The following OXCT1 variants were observed in gnomAD, a reference collection of about 807,000 sequenced individuals.
OXCT1 encodes the protein 3-oxoacid CoA-transferase 1.
Under a neutral mutation model 69.6 loss-of-function variants are expected in OXCT1, and 27 were observed. That is an observed-to-expected ratio of 0.39 (90% CI 0.29 to 0.54). The LOEUF (loss-of-function observed/expected upper bound fraction) is 0.54, where lower values mean the gene tolerates loss of function less well. OXCT1 is among the 20% of genes least tolerant of loss of function. The pLI is 0.72. For missense variants in OXCT1, 437 were observed against 650.2 expected, an observed-to-expected ratio of 0.67 and a Z score of 3.57; for synonymous variants, 202 against 217.8, an observed-to-expected ratio of 0.93 and a Z score of 0.64.
intron 14 of OXCT1, among the ~76,000 whole-genome samples, chr5:41,753,187 T>C (rs904737928): frequency 6.6e-5 from 10 of 152,098 alleles, no homozygotes; most frequent in African/African-American, 2.4e-4. Context: ...TACATTCACC[T>C]GAAATCTTTA....
intron 9 of OXCT1, 32 bp downstream of exon 9, chr5:41,805,535 T>C (rs1746633133): frequency 7.0e-7 from 1 of 1,428,978 alleles, no homozygotes; most frequent in Non-Finnish European, 9.9e-7. Context: ...AAAGGCTATG[T>C]CTTTGCCCGG....
intron 15 of OXCT1, among the ~76,000 whole-genome samples, chr5:41,747,233 G>C (rs568405770): frequency 9.9e-5 from 15 of 152,108 alleles, no homozygotes; most frequent in African/African-American, 3.6e-4. Flanking sequence ...ATCCAGCCAT[G>C]CCCTTGCTCC....
At chr5:41,797,223 T>C (rs1451069114) in intron 11 of OXCT1, among the ~76,000 whole-genome samples, 1 of 152,206 alleles carries the variant, frequency 6.6e-6, no homozygotes, top group African/African-American at 2.4e-5. Flanking sequence ...TACCATGTTA[T>C]AGGAAACTGA....
At chr5:41,737,452 A>AC (rs1033759008) in intron 16 of OXCT1, among the ~76,000 whole-genome samples, 6 of 152,124 alleles carry the variant, frequency 3.9e-5, no homozygotes, top group African/African-American at 9.6e-5. Context: ...GCAAAAAAAA[A>AC]CTGAACATTC....
intron 11 of OXCT1, 39 bp from the exon 12 acceptor site, chr5:41,794,788 A>G (rs767657745): frequency 6.3e-7 from 1 of 1,594,804 alleles, no homozygotes; most frequent in East Asian, 2.2e-5. Context: ...AAAGGCTATT[A>G]GATTTCTAAG....
intron 14 of OXCT1, among the ~76,000 whole-genome samples, chr5:41,752,771 A>G (rs534438509): frequency 2.0e-5 from 3 of 151,984 alleles, no homozygotes; most frequent in Non-Finnish European, 4.4e-5. Flanking sequence ...ACAAACAAAA[A>G]AAACTGACTA....
intron 13 of OXCT1, among the ~76,000 whole-genome samples, chr5:41,767,781 T>G (rs2112125520): frequency 6.7e-6 from 1 of 148,434 alleles, no homozygotes; most frequent in South Asian, 2.2e-4. Flanking sequence ...TCTACATTCC[T>G]ATATCTATCT....
Position 41,731,365 on chromosome 5 carries a change from A to G in OXCT1, c.*364T>C. The G allele has an allele frequency of 9.7e-7, 1 of 1,033,812 alleles. No individual in the cohort carries two copies. The highest frequency in any genetic ancestry group is 3.5e-5 in the South Asian group (1 of 28,512). 64.0% of individuals were successfully genotyped at this position (1,033,812 alleles called of 1,614,324 possible). A position where few individuals can be genotyped will look rare whatever the true frequency, so the allele number is the denominator to read the frequency against. Reference sequence around the variant, plus strand: ...AAATCACATATGTTATCTTTCTTTCAGGACTAATAATTAATATTTAAGAGG... The same window carrying G: ...AAATCACATATGTTATCTTTCTTTCGGGACTAATAATTAATATTTAAGAGG... On this transcript the variant is annotated 3_prime_UTR_variant, in exon 17 of 17. Transcript: ENST00000196371.
intron 5 of OXCT1, among the ~76,000 whole-genome samples, chr5:41,847,390 A>C (rs2112431461): frequency 6.6e-6 from 1 of 152,310 alleles, no homozygotes; most frequent in South Asian, 2.1e-4. Context: ...AAACTATTCC[A>C]ATCAATAGAA....
intron 6 of OXCT1, among the ~76,000 whole-genome samples, chr5:41,840,780 C>A (rs1378050928): frequency 1.3e-5 from 2 of 151,850 alleles, no homozygotes; most frequent in Admixed American, 1.3e-4. Context: ...CATATAGCTA[C>A]AACAAAAAAA....
intron 7 of OXCT1, among the ~76,000 whole-genome samples, chr5:41,814,818 A>G (rs1747156273): frequency 6.6e-6 from 1 of 151,836 alleles, no homozygotes; most frequent in African/African-American, 2.4e-5. Context: ...TGTCACATGT[A>G]TACATATGTA....
At chr5:41,858,512 A>G (rs1749558681) in intron 3 of OXCT1, among the ~76,000 whole-genome samples, 1 of 152,350 alleles carries the variant, frequency 6.6e-6, no homozygotes, top group African/African-American at 2.4e-5. Flanking sequence ...CATACTAAAG[A>G]GAGATGTGAT....
chr5:41,854,625 TTTTTAATGGCGAAATATC>T (rs1158922378), intron 3 of OXCT1, among the ~76,000 whole-genome samples: 1 of 152,168 alleles, frequency 6.6e-6, no homozygotes, highest in East Asian at 1.9e-4. Flanking sequence ...TGGTGAAATA[TTTTTAATGGCGAAATATC>T]TTTTAATGGC....
chr5:41,760,244 G>T (rs1428889405), intron 14 of OXCT1, among the ~76,000 whole-genome samples: 2 of 152,082 alleles, frequency 1.3e-5, no homozygotes, highest in Non-Finnish European at 2.9e-5. Flanking sequence ...TTTTTCAAAG[G>T]TTAACTGTTT....
At position 41,744,624 on chromosome 5, in the gene OXCT1, T is replaced by C. The variant is rs941712604; in HGVS notation, c.1419+4903A>G. Among the ~76,000 whole-genome samples, 4 of 152,138 alleles carry C rather than the reference T, an allele frequency of 2.6e-5. No individual in the cohort carries two copies. In the East Asian group the frequency reaches 7.7e-4, roughly 29 times the overall value. On this transcript the variant is annotated intron_variant, in intron 15 of 16. Coordinates refer to ENST00000196371, the MANE Select transcript of OXCT1 (RefSeq NM_000436.4). ...GTTTGTCATAGATAGCTCTTATTATTTTGAGATACGTCCCATCAATACCTA... is the reference window on the plus strand; with the variant it reads ...GTTTGTCATAGATAGCTCTTATTATCTTGAGATACGTCCCATCAATACCTA...
At chr5:41,746,786 T>A (rs1743514955) in intron 15 of OXCT1, among the ~76,000 whole-genome samples, 1 of 152,094 alleles carries the variant, frequency 6.6e-6, no homozygotes, top group South Asian at 2.1e-4. Context: ...TCATGTCTTG[T>A]ATTATCCTTC....
intron 16 of OXCT1, among the ~76,000 whole-genome samples, chr5:41,736,355 T>TC (rs755299698): frequency 3.3e-5 from 5 of 152,202 alleles, no homozygotes; most frequent in Non-Finnish European, 7.3e-5. Flanking sequence ...GATGGAAAAC[T>TC]CCAACTTTCA....
chr5:41,823,226 G>A (rs1158464275), intron 7 of OXCT1, among the ~76,000 whole-genome samples: 1 of 152,076 alleles, frequency 6.6e-6, no homozygotes, highest in East Asian at 1.9e-4. Flanking sequence ...TCACTTGAAG[G>A]CAGGCCTTGT....
At position 41,786,010 on chromosome 5, in the gene OXCT1, TGTGA is replaced by T. The variant is rs1745623461; in HGVS notation, c.1248+7989_1248+7992del. ...CTATCACTGGAGGCAGTAGAAGAAATGTGAGTGCTTCCCAGATGGGGGCCATGTG... is the reference window on the plus strand; with the variant it reads ...CTATCACTGGAGGCAGTAGAAGAAATGTGCTTCCCAGATGGGGGCCATGTG... On this transcript the variant is annotated intron_variant, in intron 13 of 16. Transcript: ENST00000196371. Among the ~76,000 whole-genome samples the T allele has an allele frequency of 2.0e-5, 3 of 152,188 alleles. No homozygotes were observed. In the South Asian group the frequency reaches 6.2e-4, roughly 32 times the overall value.
Sources: gnomAD v4.1 joint callset for allele counts (sites outside exome capture counted in the v4.1 genomes callset) on GRCh38, gnomAD v4.1.1 for gene constraint, MANE v1.5 for transcripts, NCBI Gene and HGNC (gene_info 2026-07-23, HGNC 2026-07-21) for gene names.